Variants in TRIM28 observed in about 807,000 individuals in gnomAD.
The protein encoded by TRIM28 is transcription intermediary factor 1-beta.
In TRIM28, 8 loss-of-function variants were observed where a neutral mutation model predicts 87.4. That is an observed-to-expected ratio of 0.09 (90% CI 0.05 to 0.17). The LOEUF (loss-of-function observed/expected upper bound fraction) is 0.17. Ranked by LOEUF, TRIM28 falls within the 10% of genes least tolerant of loss-of-function variation. The probability of loss-of-function intolerance (pLI) is 1.00; values close to 1 mark genes in which losing one functional copy is unlikely to be tolerated. For missense variants in TRIM28, 968 were observed against 1,131.8 expected, an observed-to-expected ratio of 0.86 and a Z score of 2.08; for synonymous variants, 601 against 454.3, an observed-to-expected ratio of 1.32 and a Z score of -4.11.
Position 58,548,903 on chromosome 19 carries a change from G to A in TRIM28, c.1402G>A (p.Val468Met). The A allele has an allele frequency of 1.2e-6, 2 of 1,614,104 alleles. No homozygotes were observed. The highest frequency in any genetic ancestry group is 1.7e-6 in the Non-Finnish European group (2 of 1,179,998). Residue 468 changes from valine to methionine, a missense_variant, in exon 11 of 17, where the codon GTG becomes ATG. Physicochemically the swap from Val to Met is conservative, Grantham distance 21 (BLOSUM62 1). This residue lies in a region of TRIM28 where 119 missense variants were observed against 93.6 expected (regional missense o/e 1.27). Transcript: ENST00000253024. ...AAGTGCAGAGCCCCATGTGTCAGGT[G>A]TGAAACGGTAAGTATGGCACCTCCC... is the stretch of plus-strand genomic sequence containing the variant. The part of the protein sequence containing the change: ...YSSAEPHVSG[V>M]KRSRSGEGEV...
chr19:58,549,323 C>T lies in TRIM28; in HGVS notation c.1663-8C>T, dbSNP rs753289015. Reference sequence around the variant, plus strand: ...CCCTGTTGAACACCCCTCATCACCACCTTGCAGGAGGAGGAGACGGAGGCT... The same window carrying T: ...CCCTGTTGAACACCCCTCATCACCATCTTGCAGGAGGAGGAGACGGAGGCT... On this transcript the variant is annotated splice_polypyrimidine_tract_variant and splice_region_variant and intron_variant, in intron 12 of 16. Transcript: ENST00000253024. The surrounding 1 kb of genome is among the most constrained non-coding windows in gnomAD (Gnocchi z 4.4). 3 of 1,567,378 alleles carry T rather than the reference C, an allele frequency of 1.9e-6. No homozygotes were observed. The South Asian group carries it at 3.6e-5, about 19-fold the overall frequency.
At chr19:58,545,588 G>A in intron 2 of TRIM28, 51 bp downstream of exon 2, 1 of 1,522,106 alleles carries the variant, frequency 6.6e-7, no homozygotes, top group Non-Finnish European at 9.1e-7. Context: ...GGGGGCATCT[G>A]CGCAGGAGGA....
chr19:58,548,004 C>A (rs371882148), intron 6 of TRIM28, 30 bp from the exon 7 acceptor site: 1 of 1,613,516 alleles, frequency 6.2e-7, no homozygotes, highest in Non-Finnish European at 8.5e-7. Context: ...TCTGCCTTCT[C>A]TGCTTACCTC....
Position 58,547,649 on chromosome 19 carries a change from C to T in TRIM28, c.775C>T (p.Leu259=), listed in dbSNP as rs981586284. 2 of 1,614,130 alleles carry T rather than the reference C, an allele frequency of 1.2e-6. No homozygotes were observed. The change falls in exon 5 of 17, where the codon CTG becomes TTG. Residue 259 remains leucine, a synonymous_variant. Coordinates refer to ENST00000253024, the MANE Select transcript of TRIM28 (RefSeq NM_005762.3). ...GAACCAGCGCAAGCTCCTGGCCTCA[C>T]TGGTGAAGCGCCTTGGGGACAAACA... The part of the protein sequence containing the change: ...VRNQRKLLAS[L]VKRLGDKHAT...
Position 58,549,137 on chromosome 19 carries a change from T to C in TRIM28, c.1559T>C (p.Ile520Thr). ...PGSTTEDYNL[I>T]VIERGAAAAA... is the part of the protein sequence containing the mutation. ...AGTACCACTGAGGACTACAACCTTA[T>C]TGTTATTGAACGTGGCGCTGCCGCT... The change falls in exon 12 of 17, where the codon ATT (isoleucine) becomes ACT (threonine). Residue 520 changes from isoleucine to threonine, a missense_variant. Around this residue, in one of 11 missense-constraint regions of TRIM28, gnomAD observed 23 missense variants for 56.7 expected, o/e 0.41. Coordinates refer to ENST00000253024, the MANE Select transcript of TRIM28 (RefSeq NM_005762.3). This position sits in a 1 kb window ranked among gnomAD's most constrained non-coding sequence, Gnocchi z 4.4. 1 of 1,614,154 alleles carries C rather than the reference T, an allele frequency of 6.2e-7. No homozygotes were observed.
rs747434360 is a variant in TRIM28 at position 58,548,247 on chromosome 19, TTTG to T, written c.1102-40_1102-38del. 4.2e-5 allele frequency: 68 copies of T among 1,613,612 alleles called. No individual in the cohort carries two copies. In the East Asian group the frequency reaches 7.8e-4, roughly 19 times the overall value. ...TGGTTCCCAATACCTCAAATCCCTA[TTTG>T]TTGTTGGTGTGCTCATTCTTTCCTC... is the stretch of plus-strand genomic sequence containing the variant. On this transcript the variant is annotated intron_variant, in intron 7 of 16. Coordinates refer to ENST00000253024, the MANE Select transcript of TRIM28 (RefSeq NM_005762.3).
rs1427080455 is a variant in TRIM28 at position 58,550,670 on chromosome 19, C to T, written c.*117C>T. ...GGTGGCCCCATCCCCCAGTTCCTCA[C>T]GATATGGTTTTTACTTCTGTGGATT... On this transcript the variant is annotated 3_prime_UTR_variant, in exon 17 of 17. Transcript: ENST00000253024. The T allele has an allele frequency of 1.0e-5, 11 of 1,048,936 alleles. No homozygotes were observed. Among genetic ancestry groups the T allele is most frequent in the East Asian group, 7.8e-5 (3 of 38,492 alleles). 65.0% of individuals were successfully genotyped at this position (1,048,936 alleles called of 1,614,324 possible).
rs185307466 is a variant in TRIM28, at chr19:58,548,475, T to C, written c.1217-11T>C. On this transcript the variant is annotated splice_polypyrimidine_tract_variant and intron_variant, in intron 8 of 16. Transcript: ENST00000253024. ...GCTGCACCTACTTACGTTTCTCTCTTCTTTTTGCAGGCAAGATTGTGGCAG... is the reference window on the plus strand; with the variant it reads ...GCTGCACCTACTTACGTTTCTCTCTCCTTTTTGCAGGCAAGATTGTGGCAG... 3.7e-6 allele frequency: 6 copies of C among 1,613,946 alleles called. No homozygotes were observed. Among genetic ancestry groups the C allele is most frequent in the African/African-American group, 1.3e-5 (1 of 74,902 alleles).
Position 58,550,532 on chromosome 19 carries a change from T to C in TRIM28, c.2487T>C (p.Gly829=). 1 of 1,609,750 alleles carries C rather than the reference T, an allele frequency of 6.2e-7. No homozygotes were observed. Among genetic ancestry groups the C allele is most frequent in the Non-Finnish European group, 8.5e-7 (1 of 1,179,882 alleles). ...GCCTGAGTTCCCAGGAGCTGTCTGG[T>C]GGCCCTGGTGATGGCCCCTGAGGCT... The part of the protein sequence containing the change: ...GAGLSSQELS[G]GPGDGP Residue 829 remains glycine, a synonymous_variant, in exon 17 of 17, where the codon GGT becomes GGC. Coordinates refer to ENST00000253024, the MANE Select transcript of TRIM28 (RefSeq NM_005762.3).
Position 58,549,302 on chromosome 19 carries a change from G to GT in TRIM28, c.1663-27dup. 10 of 1,578,578 alleles carry GT rather than the reference G, an allele frequency of 6.3e-6. No homozygotes were observed. The highest frequency in any genetic ancestry group is 8.6e-6 in the Non-Finnish European group (10 of 1,159,014). The stretch of plus-strand genomic sequence containing the variant: ...AGCCTGTAGTCCAGGTCTGGACCCT[G>GT]TTGAACACCCCTCATCACCACCTTG... On this transcript the variant is annotated intron_variant, in intron 12 of 16. Transcript: ENST00000253024. The surrounding 1 kb of genome is among the most constrained non-coding windows in gnomAD (Gnocchi z 4.4).
chr19:58,548,791 C>G lies in TRIM28; in HGVS notation c.1360+15C>G. The G allele has an allele frequency of 6.2e-7, 1 of 1,614,080 alleles. No homozygotes were observed. Among genetic ancestry groups the G allele is most frequent in the Non-Finnish European group, 8.5e-7 (1 of 1,179,992 alleles). On this transcript the variant is annotated intron_variant, in intron 10 of 16. Coordinates refer to ENST00000253024, the MANE Select transcript of TRIM28 (RefSeq NM_005762.3). ...CTTTGGGTCAGGTGAGTGGGTCTGCCTAGTGGGTGGGGAAGGGCCCCAGTG... is the reference window on the plus strand; with the variant it reads ...CTTTGGGTCAGGTGAGTGGGTCTGCGTAGTGGGTGGGGAAGGGCCCCAGTG...
intron 2 of TRIM28, 71 bp from the exon 3 acceptor site, chr19:58,545,693 G>T: frequency 6.4e-7 from 1 of 1,571,200 alleles, no homozygotes; most frequent in Admixed American, 1.7e-5. Context: ...ATCTCCGGTT[G>T]TATTTTCTGG....
chr19:58,545,411 C>G lies in TRIM28; in HGVS notation c.341-14C>G. 4 of 1,596,392 alleles carry G rather than the reference C, an allele frequency of 2.5e-6. No homozygotes were observed. Among genetic ancestry groups the G allele is most frequent in the Non-Finnish European group, 3.4e-6 (4 of 1,166,022 alleles). On this transcript the variant is annotated splice_polypyrimidine_tract_variant and intron_variant, in intron 1 of 16. Coordinates refer to ENST00000253024, the MANE Select transcript of TRIM28 (RefSeq NM_005762.3). The stretch of plus-strand genomic sequence containing the variant: ...GGAACTTGTAACAGTCTCCCACATC[C>G]CTGCTTCTCGAAGTGGTGGACTGTC...
At chr19:58,545,258 C>T (rs538683468) in intron 1 of TRIM28, 161 bp downstream of exon 1, 56 of 889,728 alleles carry the variant, frequency 6.3e-5, no homozygotes, top group African/African-American at 5.9e-4. Context: ...TTTGTGCTGG[C>T]CGCTGAGATG....
Position 58,544,650 on chromosome 19 carries a change from C to A in TRIM28, c.-108C>A. 2 of 327,146 alleles carry A rather than the reference C, an allele frequency of 6.1e-6. No individual in the cohort carries two copies. The highest frequency in any genetic ancestry group is 8.7e-6 in the Non-Finnish European group (2 of 230,380). The allele number at this position is 327,146 out of a possible 1,614,324, so 20.3% of individuals were successfully genotyped here. A position where few individuals can be genotyped will look rare whatever the true frequency, so the allele number is the denominator to read the frequency against. Reference sequence around the variant, plus strand: ...AGGCGCGTGGCGGCGCTCGGCCTCGCGGCGGCGGCGGCGGCAGCGGCCCAG... The same window carrying A: ...AGGCGCGTGGCGGCGCTCGGCCTCGAGGCGGCGGCGGCGGCAGCGGCCCAG... On this transcript the variant is annotated 5_prime_UTR_variant, in exon 1 of 17. Transcript: ENST00000253024.
rs1160927854 is a variant in TRIM28, at chr19:58,550,140, C to T, written c.2194-7C>T. 2.5e-6 allele frequency: 4 copies of T among 1,613,808 alleles called. No homozygotes were observed. Among genetic ancestry groups the T allele is most frequent in the Non-Finnish European group, 3.4e-6 (4 of 1,179,964 alleles). ...TTTGTGTGTGTATGTGTGATCTCTGCCTGCAGGACCAGCCCGGTGGCACCC... is the reference window on the plus strand; with the variant it reads ...TTTGTGTGTGTATGTGTGATCTCTGTCTGCAGGACCAGCCCGGTGGCACCC... On this transcript the variant is annotated splice_region_variant and splice_polypyrimidine_tract_variant and intron_variant, in intron 15 of 16. Coordinates refer to ENST00000253024, the MANE Select transcript of TRIM28 (RefSeq NM_005762.3).
chr19:58,547,738 G>A, intron 5 of TRIM28, 25 bp downstream of exon 5: 1 of 1,613,822 alleles, frequency 6.2e-7, no homozygotes. Flanking sequence ...TGGGGCTGTG[G>A]GGGTGGCCCA....
chr19:58,549,982 C>T lies in TRIM28; in HGVS notation c.2140C>T (p.His714Tyr). The T allele has an allele frequency of 6.2e-7, 1 of 1,614,006 alleles. No individual in the cohort carries two copies. The highest frequency in any genetic ancestry group is 8.5e-7 in the Non-Finnish European group (1 of 1,179,980). ...CERVLLALFCHEPCRPLHQLA... is the reference protein window; with the variant it reads ...CERVLLALFCYEPCRPLHQLA... ...GCGTGTACTGCTGGCCCTATTCTGTCACGAACCCTGCCGCCCCCTGCATCA... is the reference window on the plus strand; with the variant it reads ...GCGTGTACTGCTGGCCCTATTCTGTTACGAACCCTGCCGCCCCCTGCATCA... The change falls in exon 15 of 17, where the codon CAC (histidine) becomes TAC (tyrosine). Residue 714 changes from histidine (H) to tyrosine (Y), a missense_variant. His to Tyr is a moderately conservative substitution (Grantham distance 83). Coordinates refer to ENST00000253024, the MANE Select transcript of TRIM28 (RefSeq NM_005762.3). This position sits in a 1 kb window ranked among gnomAD's most constrained non-coding sequence, Gnocchi z 4.4.
In TRIM28 at chr19:58,545,259, C is replaced by T. The variant is rs577368192; in HGVS notation, c.340+162C>T. The T allele has an allele frequency of 6.8e-5, 60 of 887,630 alleles. 1 individual carries two copies. In the South Asian group the frequency reaches 1.0e-3, roughly 15 times the overall value. The allele number at this position is 887,630 out of a possible 1,614,324, so 55.0% of individuals were successfully genotyped here. On this transcript the variant is annotated intron_variant, in intron 1 of 16. Transcript: ENST00000253024. Reference sequence around the variant, plus strand: ...CATACGAACGTGGGTTTGTGCTGGCCGCTGAGATGGGACATCTGACTAAAG... The same window carrying T: ...CATACGAACGTGGGTTTGTGCTGGCTGCTGAGATGGGACATCTGACTAAAG...
Sources: gnomAD v4.1 joint callset for allele counts on GRCh38, gnomAD v4.1.1 for gene constraint, gnomAD v4.1.1 regional missense constraint, Gnocchi (gnomAD v3.1) non-coding constraint, MANE v1.5 for transcripts, NCBI Gene and HGNC (gene_info 2026-07-23, HGNC 2026-07-21) for gene names.